The following NUFIP1 variants were observed in gnomAD, a reference collection of about 807,000 sequenced individuals.
NUFIP1 encodes FMR1-interacting protein NUFIP1.
Under a neutral mutation model 56.2 loss-of-function variants are expected in NUFIP1, and 38 were observed. That is an observed-to-expected ratio of 0.68 (90% CI 0.52 to 0.89). The LOEUF is 0.89. Ranked by LOEUF, NUFIP1 falls within the 40% of genes least tolerant of loss-of-function variation. NUFIP1 has a pLI of 0.00. For missense variants in NUFIP1, 567 were observed against 605.8 expected, an observed-to-expected ratio of 0.94 and a Z score of 0.67; for synonymous variants, 215 against 212.4, an observed-to-expected ratio of 1.01 and a Z score of -0.10.
At chr13:44,946,428 G>A (rs1290979853) in intron 8 of NUFIP1, among the ~76,000 whole-genome samples, 1 of 151,982 alleles carries the variant, frequency 6.6e-6, no homozygotes, top group Non-Finnish European at 1.5e-5. Context: ...ATAATTTTGG[G>A]GAGTTGTAAA....
At chr13:44,968,259 G>A (rs578175612) in intron 5 of NUFIP1, among the ~76,000 whole-genome samples, 1 of 152,118 alleles carries the variant, frequency 6.6e-6, no homozygotes, top group Admixed American at 6.5e-5. Context: ...TACATTTTTC[G>A]AAAGCAAACA....
intron 7 of NUFIP1, among the ~76,000 whole-genome samples, chr13:44,957,958 G>A (rs1280027738): frequency 6.6e-6 from 1 of 152,064 alleles, no homozygotes; most frequent in Admixed American, 6.5e-5. Context: ...TGTCATCAAG[G>A]CCACACATTA....
chr13:44,973,450 G>C (rs1871871350), intron 5 of NUFIP1, among the ~76,000 whole-genome samples: 1 of 152,160 alleles, frequency 6.6e-6, no homozygotes. Context: ...CCACTTACTT[G>C]TGTGTACCAA....
chr13:44,947,234 C>CTTTTTT (rs899115570), intron 8 of NUFIP1, among the ~76,000 whole-genome samples: 7 of 124,286 alleles, frequency 5.6e-5, no homozygotes, highest in Admixed American at 8.2e-5. Context: ...AAGCTTATTC[C>CTTTTTT]TTTTTTTTTT....
chr13:44,965,617 C>T (rs1307240447), intron 6 of NUFIP1, among the ~76,000 whole-genome samples: 1 of 152,178 alleles, frequency 6.6e-6, no homozygotes, highest in Non-Finnish European at 1.5e-5. Context: ...TGGCACAAAC[C>T]TGGGAGGTGG....
chr13:44,961,476 C>T (rs371850482), intron 6 of NUFIP1, among the ~76,000 whole-genome samples: 2 of 152,322 alleles, frequency 1.3e-5, no homozygotes, highest in East Asian at 3.9e-4. Flanking sequence ...TGGTAGTTTA[C>T]TATCATAACA....
chr13:44,971,074 C>G (rs1871788601), intron 5 of NUFIP1, among the ~76,000 whole-genome samples: 1 of 152,012 alleles, frequency 6.6e-6, no homozygotes, highest in Non-Finnish European at 1.5e-5. Context: ...TTCCCATATC[C>G]TCTAATAAAA....
chr13:44,951,650 T>C (rs1050273059), intron 7 of NUFIP1, among the ~76,000 whole-genome samples: 5 of 152,168 alleles, frequency 3.3e-5, no homozygotes, highest in African/African-American at 1.2e-4. Context: ...AATCATACCT[T>C]GGAGATATTG....
chr13:44,949,205 T>TTA (rs1178280055), intron 8 of NUFIP1, among the ~76,000 whole-genome samples: 1 of 139,536 alleles, frequency 7.2e-6, no homozygotes, highest in African/African-American at 2.7e-5. Flanking sequence ...TTGTATTTTT[T>TTA]TTTTTTTTTT....
At chr13:44,973,032 A>C (rs971811949) in intron 5 of NUFIP1, among the ~76,000 whole-genome samples, 15 of 152,246 alleles carry the variant, frequency 9.9e-5, no homozygotes, top group African/African-American at 3.6e-4. Context: ...ACATTAGAAA[A>C]TCAAACTAGT....
chr13:44,949,786 T>C lies in NUFIP1; in HGVS notation c.1074A>G (p.Thr358=), dbSNP rs946483825. The C allele has an allele frequency of 1.2e-6, 2 of 1,614,188 alleles. No homozygotes were observed. Among genetic ancestry groups the C allele is most frequent in the Non-Finnish European group, 8.5e-7 (1 of 1,180,014 alleles). The stretch of plus-strand genomic sequence containing the variant: ...TACTCATTAGTGAGCATAGGGCTGG[T>C]GTCACTTCCTTGGGTATCACAGAAT... ...PQHSVIPKEV[T]PALCSLMSSY... The change falls in exon 8 of 10, where the codon ACA becomes ACG. Residue 358 remains threonine, a synonymous_variant. Coordinates refer to ENST00000379161, the MANE Select transcript of NUFIP1 (RefSeq NM_012345.3).
In NUFIP1 at chr13:44,979,934, A is replaced by G. The variant is rs1872127927; in HGVS notation, c.613T>C (p.Ser205Pro). Residue 205 changes from serine to proline, a missense_variant, in exon 4 of 10, where the codon TCT (serine) becomes CCT (proline). Transcript: ENST00000379161. Reference sequence around the variant, plus strand: ...ACAATCTTCTCGTGTGCAGTAAAAGAGCAATCTAATTCAGGGCACTATGAG... The same window carrying G: ...ACAATCTTCTCGTGTGCAGTAAAAGGGCAATCTAATTCAGGGCACTATGAG... ...EHTKCPELDCSFTAHEKIVQF... is the reference protein window; with the variant it reads ...EHTKCPELDCPFTAHEKIVQF... 3 of 1,603,124 alleles carry G rather than the reference A, an allele frequency of 1.9e-6. No individual in the cohort carries two copies. The highest frequency in any genetic ancestry group is 1.7e-6 in the Non-Finnish European group (2 of 1,176,876).
Position 44,959,562 on chromosome 13 carries a change from C to T in NUFIP1, c.840G>A (p.Gly280=). The change falls in exon 7 of 10, where the codon GGG becomes GGA. Residue 280 remains glycine (G), a synonymous_variant. Transcript: ENST00000379161. ...TTGCCATTTGTGAATGTCTGGACAT[C>T]CCCTTCATCTTGCTGGAGTAAGAAA... is the stretch of plus-strand genomic sequence containing the variant. ...LTTTQYGKMK[G]MSRHSQMAKI... is the part of the protein sequence containing the mutation. 6.2e-7 allele frequency: 1 copy of T among 1,607,286 alleles called. No homozygotes were observed. The highest frequency in any genetic ancestry group is 8.5e-7 in the Non-Finnish European group (1 of 1,177,800).
chr13:44,949,647 T>A (rs1013465643), intron 8 of NUFIP1, 75 bp downstream of exon 8: 2 of 814,414 alleles, frequency 2.5e-6, no homozygotes, highest in Non-Finnish European at 4.0e-6. Context: ...ATCCTGGATG[T>A]TATTAATGCG....
chr13:44,955,601 T>G (rs1287787369), intron 7 of NUFIP1, among the ~76,000 whole-genome samples: 1 of 152,246 alleles, frequency 6.6e-6, no homozygotes, highest in African/African-American at 2.4e-5. Flanking sequence ...GTTATCACAG[T>G]GCTGGCCGCT....
intron 9 of NUFIP1, among the ~76,000 whole-genome samples, chr13:44,942,473 C>T (rs1199030444): frequency 6.6e-6 from 1 of 152,122 alleles, no homozygotes; most frequent in Non-Finnish European, 1.5e-5. Context: ...TATTTCAGAT[C>T]CATTTTAATA....
At chr13:44,979,823 G>C in intron 4 of NUFIP1, 67 bp downstream of exon 4, 1 of 1,141,500 alleles carries the variant, frequency 8.8e-7, no homozygotes, top group Non-Finnish European at 1.3e-6. Flanking sequence ...TAAATAAACA[G>C]TTGTGAAGAT....
chr13:44,950,713 A>G (rs1871061119), intron 7 of NUFIP1, among the ~76,000 whole-genome samples: 2 of 152,208 alleles, frequency 1.3e-5, no homozygotes, highest in African/African-American at 4.8e-5. Flanking sequence ...ATGAGAATTT[A>G]CCAAGCATAA....
At chr13:44,942,899 G>A (rs569273156) in intron 9 of NUFIP1, among the ~76,000 whole-genome samples, 7 of 150,652 alleles carry the variant, frequency 4.6e-5, no homozygotes, top group East Asian at 3.9e-4. Flanking sequence ...CCAGGAATTC[G>A]AGGCCACAGT....
Sources: allele counts gnomAD v4.1 joint callset (sites outside exome capture counted in the v4.1 genomes callset), GRCh38; gene constraint gnomAD v4.1.1; transcripts MANE v1.5; gene names NCBI Gene and HGNC (gene_info 2026-07-23, HGNC 2026-07-21).